The following TSPAN18 variants were observed in gnomAD, a reference collection of about 807,000 sequenced individuals.
TSPAN18 encodes tetraspanin 18, also known as tetraspanin-18.
TSPAN18 carries 14 observed loss-of-function variants against 27.3 expected under a neutral mutation model. That is an observed-to-expected ratio of 0.51 (90% CI 0.34 to 0.80). The LOEUF is 0.80. Among genes scored for constraint, TSPAN18 ranks in the 30% least tolerant of loss-of-function variants. The pLI is 0.01. For missense variants in TSPAN18, 268 were observed against 323.9 expected (o/e 0.83, Z 1.32); for synonymous variants, 143 against 136.5 (o/e 1.05, Z -0.33).
At chr11:44,882,923 G>T (rs1449807833) in intron 3 of TSPAN18, among the ~76,000 whole-genome samples, 2 of 152,176 alleles carry the variant, frequency 1.3e-5, no homozygotes, top group Non-Finnish European at 2.9e-5. Context: ...TTGAAGCCCC[G>T]TCGGAGTCCT....
At chr11:44,904,188 G>T (rs901711355) in intron 3 of TSPAN18, among the ~76,000 whole-genome samples, 2 of 152,172 alleles carry the variant, frequency 1.3e-5, no homozygotes, top group Non-Finnish European at 2.9e-5. Context: ...TGGTGCCTCA[G>T]TTTCCCCTTC....
chr11:44,861,167 C>A (rs988348747), intron 3 of TSPAN18, among the ~76,000 whole-genome samples: 1 of 152,058 alleles, frequency 6.6e-6, no homozygotes, highest in Admixed American at 6.5e-5. Flanking sequence ...CTCCATGTGG[C>A]CGCAGGGCAG....
intron 3 of TSPAN18, chr11:44,897,790 G>C: frequency 7.8e-7 from 1 of 1,289,354 alleles, no homozygotes; most frequent in African/African-American, 1.5e-5. Context: ...CCTCGCTGAC[G>C]GGAGAGTCTG....
At chr11:44,766,911 G>C (rs1020814463) in intron 2 of TSPAN18, among the ~76,000 whole-genome samples, 2 of 152,112 alleles carry the variant, frequency 1.3e-5, no homozygotes, top group African/African-American at 4.8e-5. Context: ...CTGTAAGATG[G>C]GCAAAGAGCA....
intron 2 of TSPAN18, among the ~76,000 whole-genome samples, chr11:44,774,577 C>A (rs1372547064): frequency 2.0e-5 from 3 of 152,204 alleles, no homozygotes; most frequent in Non-Finnish European, 4.4e-5. Flanking sequence ...AGTCACCTTG[C>A]AATTGGGGAC....
intron 8 of TSPAN18, among the ~76,000 whole-genome samples, chr11:44,923,872 G>A (rs1173780349): frequency 1.3e-5 from 2 of 152,102 alleles, no homozygotes; most frequent in Non-Finnish European, 2.9e-5. Flanking sequence ...GCTTCCATTG[G>A]GCAACCTGGG....
chr11:44,758,126 T>C (rs1410776955), intron 1 of TSPAN18, among the ~76,000 whole-genome samples: 3 of 152,242 alleles, frequency 2.0e-5, no homozygotes, highest in African/African-American at 7.2e-5. Flanking sequence ...TGTCTTGTTC[T>C]TGATCTTAGA....
At chr11:44,735,337 C>T (rs1854766331) in intron 1 of TSPAN18, among the ~76,000 whole-genome samples, 1 of 152,212 alleles carries the variant, frequency 6.6e-6, no homozygotes, top group Non-Finnish European at 1.5e-5. Context: ...CATGACAGCA[C>T]CATAAACTAG....
At chr11:44,869,475 C>T (rs1296877833) in intron 3 of TSPAN18, among the ~76,000 whole-genome samples, 1 of 152,206 alleles carries the variant, frequency 6.6e-6, no homozygotes, top group African/African-American at 2.4e-5. Context: ...AGGAACAAGT[C>T]AGATCTCTCC....
intron 1 of TSPAN18, among the ~76,000 whole-genome samples, chr11:44,743,188 C>T (rs376479129): frequency 2.6e-5 from 4 of 152,132 alleles, no homozygotes; most frequent in African/African-American, 4.8e-5. Flanking sequence ...TGGGCACATA[C>T]GAATGCACTC....
At chr11:44,790,772 T>C (rs2135041129) in intron 2 of TSPAN18, among the ~76,000 whole-genome samples, 1 of 152,282 alleles carries the variant, frequency 6.6e-6, no homozygotes, top group East Asian at 1.9e-4. Flanking sequence ...CCTCTGAGCC[T>C]CAGCTTCCTC....
chr11:44,829,378 TC>T (rs1161874043), intron 2 of TSPAN18, among the ~76,000 whole-genome samples: 35 of 152,182 alleles, frequency 2.3e-4, no homozygotes, highest in African/African-American at 8.4e-4. Flanking sequence ...CAACCACTAG[TC>T]TTTTTACACT....
At chr11:44,831,079 T>C (rs1377453485) in intron 2 of TSPAN18, among the ~76,000 whole-genome samples, 2 of 152,042 alleles carry the variant, frequency 1.3e-5, no homozygotes, top group South Asian at 2.1e-4. Flanking sequence ...CACCACTGCA[T>C]TCCAGCCTGG....
At chr11:44,916,041 C>T (rs1399647708) in intron 5 of TSPAN18, among the ~76,000 whole-genome samples, 1 of 152,206 alleles carries the variant, frequency 6.6e-6, no homozygotes, top group Non-Finnish European at 1.5e-5. Context: ...CACATCCCCG[C>T]CACGGGCTGG....
At chr11:44,764,210 C>T (rs1314600350) in intron 1 of TSPAN18, among the ~76,000 whole-genome samples, 1 of 152,140 alleles carries the variant, frequency 6.6e-6, no homozygotes, top group Admixed American at 6.5e-5. Context: ...GATCTGAGGC[C>T]CCATCTCCGA....
chr11:44,922,279 G>A (rs930216024), intron 8 of TSPAN18, among the ~76,000 whole-genome samples: 1 of 152,116 alleles, frequency 6.6e-6, no homozygotes, highest in Non-Finnish European at 1.5e-5. Flanking sequence ...ACCATACCCA[G>A]CTAATTTTTG....
chr11:44,802,087 C>G (rs929848271), intron 2 of TSPAN18, among the ~76,000 whole-genome samples: 8 of 152,086 alleles, frequency 5.3e-5, no homozygotes, highest in Admixed American at 5.2e-4. Flanking sequence ...CCATGCACTT[C>G]CCTGCTAGGT....
At chr11:44,736,257 G>T (rs895680717) in intron 1 of TSPAN18, 1 of 152,180 alleles carries the variant, frequency 6.6e-6, no homozygotes, top group Non-Finnish European at 1.5e-5. Flanking sequence ...TTTGCCAGTC[G>T]TGTTATTCAT....
At chr11:44,813,385 G>T (rs1856759202) in intron 2 of TSPAN18, among the ~76,000 whole-genome samples, 1 of 152,220 alleles carries the variant, frequency 6.6e-6, no homozygotes, top group Non-Finnish European at 1.5e-5. Context: ...GGGAAAGTGG[G>T]AATCATGATA....
Sources: gnomAD v4.1 joint callset for allele counts (sites outside exome capture counted in the v4.1 genomes callset) on GRCh38, gnomAD v4.1.1 for gene constraint, MANE v1.5 for transcripts, NCBI Gene and HGNC (gene_info 2026-07-23, HGNC 2026-07-21) for gene names.